ARHGAP45: variants seen among roughly 807,000 people sequenced by gnomAD.
ARHGAP45 encodes rho GTPase-activating protein 45.
ARHGAP45 carries 56 observed loss-of-function variants against 116.1 expected under a neutral mutation model. The ratio of observed to expected loss-of-function variants is 0.48; its 90% CI spans 0.39 to 0.60. The LOEUF (loss-of-function observed/expected upper bound fraction) is 0.60, where lower values mean the gene tolerates loss of function less well. Among genes scored for constraint, ARHGAP45 ranks in the 20% least tolerant of loss-of-function variants. The pLI is 0.00. For synonymous variants in ARHGAP45, 866 were observed against 701.7 expected, an observed-to-expected ratio of 1.23 and a Z score of -3.70; for missense variants, 1,622 against 1,601.0, an observed-to-expected ratio of 1.01 and a Z score of -0.22.
rs1197997663 is a variant in ARHGAP45, at chr19:1,086,229, G to A, written c.*223G>A. On this transcript the variant is annotated 3_prime_UTR_variant, in exon 23 of 23. Coordinates refer to ENST00000313093, the MANE Select transcript of ARHGAP45 (RefSeq NM_012292.5). Reference sequence around the variant, plus strand: ...TGCCCTGTGCTGTCCCCTGCACCCCGGCTCAGCTGAGCTGGGGAACACTGC... The same window carrying A: ...TGCCCTGTGCTGTCCCCTGCACCCCAGCTCAGCTGAGCTGGGGAACACTGC... The A allele has an allele frequency of 1.5e-5, 8 of 550,540 alleles. No homozygotes were observed. The highest frequency in any genetic ancestry group is 3.3e-5 in the Admixed American group (1 of 30,464). 34.1% of individuals were successfully genotyped at this position (550,540 alleles called of 1,614,324 possible).
At chr19:1,085,560 C>T (rs369362618) in intron 22 of ARHGAP45, 100 bp from the exon 23 acceptor site, 2 of 621,054 alleles carry the variant, frequency 3.2e-6, no homozygotes, top group African/African-American at 2.0e-5. Context: ...TCTCTCTCCC[C>T]CCTCTCCTGT....
rs541176365 is a variant in ARHGAP45, at chr19:1,072,144, C to T, written c.422-1005C>T. The stretch of plus-strand genomic sequence containing the variant: ...TGGCGCGATCTCGGCTCACTGCAAC[C>T]TCCGCCTCCCAGCTTCAAGCGATTC... On this transcript the variant is annotated intron_variant, in intron 2 of 22. Coordinates refer to ENST00000313093, the MANE Select transcript of ARHGAP45 (RefSeq NM_012292.5). Among the ~76,000 whole-genome samples, 3 of 152,254 alleles carry T rather than the reference C, an allele frequency of 2.0e-5. No individual in the cohort carries two copies. In the South Asian group the frequency reaches 6.2e-4, roughly 32 times the overall value.
At position 1,081,067 on chromosome 19, in the gene ARHGAP45, G is replaced by C; in HGVS notation, c.2190+3G>C. ...TCCAGGGTGCTGAGTGTGAAGAGGTGAGTGGGACGCCCCGACGGACAGCTG... is the reference window on the plus strand; with the variant it reads ...TCCAGGGTGCTGAGTGTGAAGAGGTCAGTGGGACGCCCCGACGGACAGCTG... On this transcript the variant is annotated splice_donor_region_variant and intron_variant, in intron 17 of 22. Transcript: ENST00000313093. 6.2e-7 allele frequency: 1 copy of C among 1,600,486 alleles called. No individual in the cohort carries two copies. The highest frequency in any genetic ancestry group is 8.5e-7 in the Non-Finnish European group (1 of 1,174,312).
At chr19:1,082,172 A>G (rs1044573857) in intron 19 of ARHGAP45, among the ~76,000 whole-genome samples, 2 of 113,666 alleles carry the variant, frequency 1.8e-5, no homozygotes, top group South Asian at 3.1e-4. Flanking sequence ...AGGCGGGGCC[A>G]GTTCTGCGCC....
Position 1,085,773 on chromosome 19 carries a change from A to G in ARHGAP45, c.3178A>G (p.Ser1060Gly), listed in dbSNP as rs964693185. The G allele has an allele frequency of 6.2e-7, 1 of 1,612,688 alleles. No individual in the cohort carries two copies. ...GHLSFLEQQQSEASLEVASGS... is the reference protein window; with the variant it reads ...GHLSFLEQQQGEASLEVASGS... ...CCTCAGCTTCCTGGAGCAGCAGCAG[A>G]GCGAGGCCAGCCTAGAGGTGGCTTC... is the stretch of plus-strand genomic sequence containing the variant. Residue 1060 changes from serine (S) to glycine (G), a missense_variant, in exon 23 of 23, where the codon AGC becomes GGC. By Grantham distance (56) the Ser-to-Gly change is moderately conservative. Transcript: ENST00000313093.
rs766541875 is a variant in ARHGAP45, at chr19:1,071,133, G to T, written c.422-2016G>T. On this transcript the variant is annotated intron_variant, in intron 2 of 22. Coordinates refer to ENST00000313093, the MANE Select transcript of ARHGAP45 (RefSeq NM_012292.5). The surrounding 1 kb of genome is among the most constrained non-coding windows in gnomAD (Gnocchi z 4.6). ...ACCTCGAAGCTCTGCGGTTAAGGAA[G>T]GACCCAGGCTGGGGCGAACGGGACC... 669 of 1,242,436 alleles carry T rather than the reference G, an allele frequency of 5.4e-4. 1 individual carries two copies. The highest frequency in any genetic ancestry group is 6.4e-4 in the Non-Finnish European group (621 of 974,104). The allele number at this position is 1,242,436 out of a possible 1,614,324, so 77.0% of individuals were successfully genotyped here.
chr19:1,073,436 G>T (rs994362463), intron 3 of ARHGAP45, 70 bp from the exon 4 acceptor site: 4 of 1,571,456 alleles, frequency 2.5e-6, no homozygotes, highest in Admixed American at 3.4e-5. Flanking sequence ...TAAGGGCTCC[G>T]GTCAGTTCTT....
Position 1,079,816 on chromosome 19 carries a change from G to A in ARHGAP45, c.1488G>A (p.Arg496=). The part of the protein sequence containing the change: ...TALRQIQEVI[R]QSDQTIKSAT... ...TGCGGCAGATCCAGGAGGTCATCCG[G>A]CAGAGCGACCAAACCATCAAGTCGG... Residue 496 remains arginine, a synonymous_variant, in exon 12 of 23, where the codon CGG becomes CGA. Coordinates refer to ENST00000313093, the MANE Select transcript of ARHGAP45 (RefSeq NM_012292.5). The A allele has an allele frequency of 6.2e-7, 1 of 1,608,318 alleles. No individual in the cohort carries two copies.
Position 1,071,466 on chromosome 19 carries a change from C to CTG in ARHGAP45, c.422-1682_422-1681dup. 1.1e-6 allele frequency: 1 copy of CTG among 888,474 alleles called. No individual in the cohort carries two copies. Among genetic ancestry groups the CTG allele is most frequent in the Non-Finnish European group, 1.4e-6 (1 of 728,606 alleles). The allele number at this position is 888,474 out of a possible 1,614,324, so 55.0% of individuals were successfully genotyped here. On this transcript the variant is annotated intron_variant, in intron 2 of 22. Transcript: ENST00000313093. This position sits in a 1 kb window ranked among gnomAD's most constrained non-coding sequence, Gnocchi z 4.6. ...GAGCAGCGGCTGCCGCGCGCCTGGC[C>CTG]TGGCCGTGCGCACCTGGGCATCCCT...
In ARHGAP45 at chr19:1,074,201, G is replaced by A; in HGVS notation, c.888G>A (p.Met296Ile). Reference protein sequence around the residue: ...LLYAKNMAKYMKDLISYLEKR... With the variant: ...LLYAKNMAKYIKDLISYLEKR... ...ATGCCAAGAACATGGCCAAGTACATGAAGGACCTCATCAGCTACCTGGAGA... is the reference window on the plus strand; with the variant it reads ...ATGCCAAGAACATGGCCAAGTACATAAAGGACCTCATCAGCTACCTGGAGA... Residue 296 changes from methionine (M) to isoleucine (I), a missense_variant, in exon 7 of 23, where the codon ATG (methionine) becomes ATA (isoleucine). Physicochemically the swap from Met to Ile is conservative, Grantham distance 10. Coordinates refer to ENST00000313093, the MANE Select transcript of ARHGAP45 (RefSeq NM_012292.5). 1 of 1,613,468 alleles carries A rather than the reference G, an allele frequency of 6.2e-7. No homozygotes were observed. Among genetic ancestry groups the A allele is most frequent in the Non-Finnish European group, 8.5e-7 (1 of 1,180,018 alleles).
upstream of ARHGAP45, chr19:1,065,963 C>G: frequency 6.6e-7 from 1 of 1,512,684 alleles, no homozygotes; most frequent in East Asian, 2.5e-5. Context: ...CAGGCCAGGG[C>G]CGGGCCAGAA....
intron 2 of ARHGAP45, among the ~76,000 whole-genome samples, chr19:1,070,329 C>CTTTTTTTTTTTTTTT (rs1172163710): frequency 4.3e-5 from 4 of 93,270 alleles, no homozygotes; most frequent in Non-Finnish European, 6.4e-5. Flanking sequence ...CTTTTCTTTT[C>CTTTTTTTTTTTTTTT]TTTTTTTTTT....
At chr19:1,070,035 G>A (rs191743250) in intron 2 of ARHGAP45, among the ~76,000 whole-genome samples, 16 of 151,244 alleles carry the variant, frequency 1.1e-4, no homozygotes, top group South Asian at 2.1e-4. Flanking sequence ...TCACTCTGTC[G>A]CCCAGGCTGG....
rs780021810 is a variant in ARHGAP45 at position 1,084,336 on chromosome 19, C to T, written c.3054C>T (p.Asp1018=). ...VVYPLQEAAA[D]GCRESRVVSN... is the part of the protein sequence containing the mutation. ...ACCCGCTGCAGGAGGCGGCGGCGGA[C>T]GGGTGCAGAGGTGAGTGTGTGGCTG... The change falls in exon 22 of 23, where the codon GAC becomes GAT. Residue 1018 remains aspartate (D), a synonymous_variant. Coordinates refer to ENST00000313093, the MANE Select transcript of ARHGAP45 (RefSeq NM_012292.5). 4.8e-5 allele frequency: 77 copies of T among 1,609,630 alleles called. No homozygotes were observed. Among genetic ancestry groups the T allele is most frequent in the Non-Finnish European group, 6.2e-5 (73 of 1,178,316 alleles).
chr19:1,085,561 C>G (rs371330901), intron 22 of ARHGAP45, 99 bp from the exon 23 acceptor site: 7 of 645,790 alleles, frequency 1.1e-5, no homozygotes, highest in African/African-American at 1.0e-4. Flanking sequence ...CTCTCTCCCC[C>G]CTCTCCTGTC....
Position 1,077,907 on chromosome 19 carries a change from C to G in ARHGAP45, c.1236C>G (p.Arg412=). ...LRKAKQGYVQ[R]CEDHDKARFL... Reference sequence around the variant, plus strand: ...AGGCCAAGCAGGGTTACGTGCAGCGCTGCGAGGACCACGACAAGGCTCGCT... The same window carrying G: ...AGGCCAAGCAGGGTTACGTGCAGCGGTGCGAGGACCACGACAAGGCTCGCT... The change falls in exon 11 of 23, where the codon CGC becomes CGG. Residue 412 remains arginine (R), a synonymous_variant. Coordinates refer to ENST00000313093, the MANE Select transcript of ARHGAP45 (RefSeq NM_012292.5). 6.4e-7 allele frequency: 1 copy of G among 1,554,378 alleles called. No homozygotes were observed. The highest frequency in any genetic ancestry group is 8.7e-7 in the Non-Finnish European group (1 of 1,148,640).
At chr19:1,072,190 T>G (rs1211589677) in intron 2 of ARHGAP45, among the ~76,000 whole-genome samples, 1 of 151,392 alleles carries the variant, frequency 6.6e-6, no homozygotes, top group Non-Finnish European at 1.5e-5. Flanking sequence ...GCCTCCCGAG[T>G]AGCCGGCATT....
intron 10 of ARHGAP45, 154 bp from the exon 11 acceptor site, chr19:1,077,703 G>A (rs1044804270): frequency 3.0e-5 from 45 of 1,479,386 alleles, no homozygotes; most frequent in East Asian, 1.0e-4. Context: ...CTGTTTTTCC[G>A]CTGCCGATTG....
At chr19:1,066,238 A>T, upstream of ARHGAP45, 6 of 954,754 alleles carry the variant, frequency 6.3e-6, no homozygotes, top group Non-Finnish European at 8.5e-6. Flanking sequence ...GGAAGGGGAC[A>T]GCAGGGAGAC....
Sources: allele counts gnomAD v4.1 joint callset (sites outside exome capture counted in the v4.1 genomes callset), GRCh38; gene constraint gnomAD v4.1.1; non-coding constraint Gnocchi (gnomAD v3.1); transcripts MANE v1.5; gene names NCBI Gene and HGNC (gene_info 2026-07-23, HGNC 2026-07-21).